Variants in DPP6 observed in about 807,000 individuals in gnomAD.
DPP6 encodes the protein dipeptidyl peptidase like 6.
A neutral mutation model predicts 122.6 loss-of-function variants in DPP6; 69 were observed. That is an observed-to-expected ratio of 0.56 (90% CI 0.46 to 0.69). The LOEUF (loss-of-function observed/expected upper bound fraction) is 0.69. Ranked by LOEUF, DPP6 falls within the 30% of genes least tolerant of loss-of-function variation. The probability of loss-of-function intolerance (pLI) is 0.00; values close to 1 mark genes in which losing one functional copy is unlikely to be tolerated. For synonymous variants in DPP6, 418 were observed against 433.1 expected (o/e 0.97, Z 0.43); for missense variants, 928 against 1,116.9 (o/e 0.83, Z 2.41).
At chr7:154,084,814 C>T (rs1036052353) in intron 1 of DPP6, among the ~76,000 whole-genome samples, 2 of 148,826 alleles carry the variant, frequency 1.3e-5, no homozygotes, top group African/African-American at 5.0e-5. Flanking sequence ...ATGGTGAAAC[C>T]CCATCTCTAC....
At position 154,716,818 on chromosome 7, in the gene DPP6, G is replaced by C. The variant is rs368030283; in HGVS notation, c.763-10949G>C. Among the ~76,000 whole-genome samples the C allele has an allele frequency of 4.4e-4, 66 of 151,568 alleles. 1 individual carries two copies. Among genetic ancestry groups the C allele is most frequent in the African/African-American group, 1.6e-3 (64 of 41,066 alleles). On this transcript the variant is annotated intron_variant, in intron 7 of 25. Coordinates refer to ENST00000377770, the MANE Select transcript of DPP6 (RefSeq NM_130797.4). ...TTTAATGTGGTACAGTGTGATTTTTGTTTGTTTGTTTGTTGTTATTGTTGC... is the reference window on the plus strand; with the variant it reads ...TTTAATGTGGTACAGTGTGATTTTTCTTTGTTTGTTTGTTGTTATTGTTGC...
At chr7:154,853,067 C>T (rs7787101) in intron 16 of DPP6, among the ~76,000 whole-genome samples, 31,874 of 152,104 alleles carry the variant, frequency 0.21, 3,831 homozygotes, top group African/African-American at 0.34. Context: ...ACCAGGCCTG[C>T]CTCTTAATGT....
chr7:153,990,269 C>G (rs955562903), intron 1 of DPP6, among the ~76,000 whole-genome samples: 2 of 89,234 alleles, frequency 2.2e-5, no homozygotes, highest in African/African-American at 1.1e-4. Flanking sequence ...TCCAGCCTTG[C>G]TGAACAGTCC....
chr7:153,969,176 G>T (rs1795897292), intron 1 of DPP6, among the ~76,000 whole-genome samples: 1 of 151,334 alleles, frequency 6.6e-6, no homozygotes, highest in Admixed American at 6.6e-5. Context: ...ACTAGAGGGA[G>T]AAGGTTGGTA....
chr7:154,556,722 T>A (rs1352008318), intron 4 of DPP6, among the ~76,000 whole-genome samples: 2 of 152,240 alleles, frequency 1.3e-5, no homozygotes, highest in African/African-American at 4.8e-5. Flanking sequence ...AGACAAACAA[T>A]GGAAAATATT....
Position 154,889,521 on chromosome 7 carries a change from C to T in DPP6, c.2442C>T (p.Tyr814=). 6.2e-7 allele frequency: 1 copy of T among 1,600,112 alleles called. No individual in the cohort carries two copies. The highest frequency in any genetic ancestry group is 8.5e-7 in the Non-Finnish European group (1 of 1,174,326). ...ITQLIRGKAN[Y]SLQIYPDESH... ...AACTAATTAGGGGAAAGGCTAATTA[C>T]AGCTTACAGGTACAGTACGCATGTT... Residue 814 remains tyrosine (Y), a synonymous_variant, in exon 25 of 26, where the codon TAC becomes TAT. Coordinates refer to ENST00000377770, the MANE Select transcript of DPP6 (RefSeq NM_130797.4).
chr7:154,017,227 C>T (rs1332889838), intron 1 of DPP6, among the ~76,000 whole-genome samples: 3 of 152,106 alleles, frequency 2.0e-5, no homozygotes, highest in Non-Finnish European at 4.4e-5. Flanking sequence ...CCCACCAAGC[C>T]CAGCTAATTT....
chr7:154,029,332 T>C (rs1186132748), intron 1 of DPP6, among the ~76,000 whole-genome samples: 4 of 149,366 alleles, frequency 2.7e-5, no homozygotes, highest in African/African-American at 9.9e-5. Context: ...CTGGCTAACA[T>C]GGTGAAACCC....
intron 1 of DPP6, among the ~76,000 whole-genome samples, chr7:154,018,489 T>A (rs1798537125): frequency 6.6e-6 from 1 of 152,160 alleles, no homozygotes; most frequent in Non-Finnish European, 1.5e-5. Flanking sequence ...CGACTCTTTG[T>A]GGAGTCTAGG....
At chr7:154,772,698 G>A (rs1020295834) in intron 9 of DPP6, 147 bp from the exon 10 acceptor site, 2 of 1,112,838 alleles carry the variant, frequency 1.8e-6, no homozygotes, top group Non-Finnish European at 2.5e-6. Context: ...TGAACCATTT[G>A]TTCTCCACAT....
At chr7:154,568,820 T>G (rs765116682) in intron 5 of DPP6, among the ~76,000 whole-genome samples, 1 of 152,170 alleles carries the variant, frequency 6.6e-6, no homozygotes, top group Non-Finnish European at 1.5e-5. Flanking sequence ...GAAGTGTATT[T>G]ACAGAACTAT....
intron 4 of DPP6, among the ~76,000 whole-genome samples, chr7:154,556,788 C>T (rs11978318): frequency 0.06 from 9,078 of 152,028 alleles, 294 homozygotes; most frequent in Middle Eastern, 0.099. Context: ...GGAATTCTTC[C>T]AAATTGAGCA....
chr7:154,845,203 G>A (rs1008705791), intron 16 of DPP6, among the ~76,000 whole-genome samples: 1 of 152,194 alleles, frequency 6.6e-6, no homozygotes, highest in African/African-American at 2.4e-5. Flanking sequence ...ACAGGTGGAG[G>A]GGATGAGACA....
At chr7:154,181,691 T>G (rs1334630804) in intron 1 of DPP6, among the ~76,000 whole-genome samples, 1 of 152,140 alleles carries the variant, frequency 6.6e-6, no homozygotes, top group Non-Finnish European at 1.5e-5. Context: ...TTAATTTGTT[T>G]CTTTTGCCAT....
At chr7:153,826,571 T>A in the DPP6 span, among the ~76,000 whole-genome samples, 1 of 152,204 alleles carries the variant, frequency 6.6e-6, no homozygotes, top group Non-Finnish European at 1.5e-5. Context: ...TGTTAATGAT[T>A]AGATACAAAA....
intron 1 of DPP6, among the ~76,000 whole-genome samples, chr7:154,287,473 G>A (rs923686978): frequency 1.3e-5 from 2 of 152,200 alleles, no homozygotes; most frequent in Non-Finnish European, 2.9e-5. Context: ...TTAGGTAAAT[G>A]TCAGCTTGTT....
chr7:154,547,312 A>C lies in DPP6; in HGVS notation c.552+6686A>C, dbSNP rs1042372807. Among the ~76,000 whole-genome samples, 4 of 152,236 alleles carry C rather than the reference A, an allele frequency of 2.6e-5. No individual in the cohort carries two copies. The East Asian group carries it at 7.7e-4, about 29-fold the overall frequency. Reference sequence around the variant, plus strand: ...TTTTTGTGTACGGTTGAGAGGGCATAAACTGGCAGCTCGTGATGCCCACTG... The same window carrying C: ...TTTTTGTGTACGGTTGAGAGGGCATCAACTGGCAGCTCGTGATGCCCACTG... On this transcript the variant is annotated intron_variant, in intron 4 of 25. Coordinates refer to ENST00000377770, the MANE Select transcript of DPP6 (RefSeq NM_130797.4).
At chr7:154,649,977 C>T (rs765054017) in intron 6 of DPP6, among the ~76,000 whole-genome samples, 1 of 152,126 alleles carries the variant, frequency 6.6e-6, no homozygotes, top group Admixed American at 6.6e-5. Flanking sequence ...TTTTCAATAA[C>T]TGCCCCTCTT....
rs552919287 is a variant in DPP6 at position 154,627,000 on chromosome 7, C to CTTTTTTT, written c.628-10796_628-10790dup. On this transcript the variant is annotated intron_variant, in intron 5 of 25. Coordinates refer to ENST00000377770, the MANE Select transcript of DPP6 (RefSeq NM_130797.4). ...ATCTGGGGTCCATTAGAAATTTTTT[C>CTTTTTTT]TTTTTTTTTTTTTTTTTTTTTTTTT... 1.6e-3 allele frequency among the ~76,000 whole-genome samples: 81 copies of CTTTTTTT among 52,112 alleles called. 11 individuals are homozygous for CTTTTTTT. Among genetic ancestry groups the CTTTTTTT allele is most frequent in the Non-Finnish European group, 1.9e-3 (58 of 29,798 alleles). The allele number at this position is 52,112 out of a possible 152,430, so 34.2% of individuals were successfully genotyped here.
Sources: gnomAD v4.1 joint callset for allele counts (sites outside exome capture counted in the v4.1 genomes callset) on GRCh38, gnomAD v4.1.1 for gene constraint, MANE v1.5 for transcripts, NCBI Gene and HGNC (gene_info 2026-07-23, HGNC 2026-07-21) for gene names.